CSPP1: variants seen among roughly 807,000 people sequenced by gnomAD.
CSPP1 encodes the protein centrosome and spindle pole associated protein 1.
Under a neutral mutation model 164.4 loss-of-function variants are expected in CSPP1, and 126 were observed. The observed-to-expected ratio is 0.77, with a 90% CI of 0.66 to 0.89. CSPP1 has a LOEUF of 0.89. CSPP1 is among the 40% of genes least tolerant of loss of function. The probability of loss-of-function intolerance (pLI) is 0.00; values close to 1 mark genes in which losing one functional copy is unlikely to be tolerated. For missense variants in CSPP1, 1,395 were observed against 1,449.8 expected, an observed-to-expected ratio of 0.96 and a Z score of 0.61; for synonymous variants, 472 against 476.7, an observed-to-expected ratio of 0.99 and a Z score of 0.13.
At chr8:67,193,417 C>T in intron 29 of CSPP1, 47 bp from the exon 30 acceptor site, 2 of 1,563,516 alleles carry the variant, frequency 1.3e-6, no homozygotes, top group Non-Finnish European at 1.8e-6. Flanking sequence ...GATTTGTGAA[C>T]ATATTTTGTG....
intron 17 of CSPP1, among the ~76,000 whole-genome samples, chr8:67,142,884 A>T (rs919412762): frequency 3.9e-5 from 6 of 152,120 alleles, no homozygotes; most frequent in African/African-American, 7.2e-5. Flanking sequence ...TACCTCATTT[A>T]AAAAAAGCTT....
At chr8:67,147,997 C>A (rs1390060129) in intron 17 of CSPP1, among the ~76,000 whole-genome samples, 1 of 152,056 alleles carries the variant, frequency 6.6e-6, no homozygotes, top group Non-Finnish European at 1.5e-5. Flanking sequence ...TGACTCACTG[C>A]AACCTGCACC....
At chr8:67,141,414 C>G (rs1823463527) in intron 17 of CSPP1, among the ~76,000 whole-genome samples, 1 of 152,146 alleles carries the variant, frequency 6.6e-6, no homozygotes, top group Admixed American at 6.5e-5. Flanking sequence ...ATAGAAAAGG[C>G]ATACTATTTT....
chr8:67,135,940 G>A (rs1397017673), intron 16 of CSPP1: 2 of 152,148 alleles, frequency 1.3e-5, no homozygotes, highest in East Asian at 3.9e-4. Flanking sequence ...CCTAATTTCA[G>A]TATTCTATCA....
At chr8:67,096,495 G>A (rs1812804705) in intron 7 of CSPP1, among the ~76,000 whole-genome samples, 1 of 151,892 alleles carries the variant, frequency 6.6e-6, no homozygotes, top group Admixed American at 6.6e-5. Flanking sequence ...AACCCGGGAG[G>A]CAGAGGTTGC....
At chr8:67,186,528 G>A (rs187704089) in intron 28 of CSPP1, among the ~76,000 whole-genome samples, 6 of 151,886 alleles carry the variant, frequency 4.0e-5, no homozygotes, top group Admixed American at 1.3e-4. Flanking sequence ...TTGGAATAGA[G>A]GGGGAACTTC....
At chr8:67,192,529 A>T (rs987431418) in intron 29 of CSPP1, among the ~76,000 whole-genome samples, 8 of 152,152 alleles carry the variant, frequency 5.3e-5, no homozygotes, top group African/African-American at 1.4e-4. Flanking sequence ...TGAAGCACAG[A>T]AGTTTTTAAT....
At chr8:67,176,199 C>G (rs1831584723) in intron 26 of CSPP1, among the ~76,000 whole-genome samples, 1 of 152,054 alleles carries the variant, frequency 6.6e-6, no homozygotes, top group African/African-American at 2.4e-5. Context: ...TTTCACCAGC[C>G]TTCAGGCCAT....
intron 29 of CSPP1, among the ~76,000 whole-genome samples, chr8:67,192,062 ATTTGT>A (rs1023233877): frequency 1.5e-5 from 2 of 134,896 alleles, no homozygotes; most frequent in African/African-American, 5.6e-5. Flanking sequence ...TCCTTTGCTG[ATTTGT>A]TTTTTTTTTT....
chr8:67,160,700 T>C (rs946663838), intron 21 of CSPP1, among the ~76,000 whole-genome samples: 7 of 151,918 alleles, frequency 4.6e-5, no homozygotes, highest in African/African-American at 9.7e-5. Flanking sequence ...CTGATATATA[T>C]ATATATTTTT....
At chr8:67,152,636 C>T (rs1482095052) in intron 18 of CSPP1, among the ~76,000 whole-genome samples, 3 of 152,292 alleles carry the variant, frequency 2.0e-5, no homozygotes, top group East Asian at 1.9e-4. Context: ...GTGAGCATCA[C>T]GGTGAAACAT....
intron 9 of CSPP1, 116 bp downstream of exon 9, chr8:67,106,091 T>C (rs1815462024): frequency 1.6e-6 from 1 of 629,030 alleles, no homozygotes; most frequent in Non-Finnish European, 2.9e-6. Flanking sequence ...AAAATATTTG[T>C]AAGTGCTTAC....
chr8:67,160,728 T>C (rs1215867511), intron 21 of CSPP1, among the ~76,000 whole-genome samples: 1 of 151,914 alleles, frequency 6.6e-6, no homozygotes, highest in Non-Finnish European at 1.5e-5. Flanking sequence ...CCTTCAGTTT[T>C]ACCTTTGTGT....
Position 67,158,429 on chromosome 8 carries a change from CTA to C in CSPP1, c.2242-17_2242-16del. 6.5e-7 allele frequency: 1 copy of C among 1,546,876 alleles called. No homozygotes were observed. Among genetic ancestry groups the C allele is most frequent in the Non-Finnish European group, 8.8e-7 (1 of 1,142,766 alleles). ...TTCAATAGTTTTACAAGATAAATAA[CTA>C]AGTTTAATTCTTTAGATTGAGGAAA... On this transcript the variant is annotated splice_polypyrimidine_tract_variant and intron_variant, in intron 19 of 30. Transcript: ENST00000678616.
intron 3 of CSPP1, among the ~76,000 whole-genome samples, chr8:67,081,813 T>C (rs1809249597): frequency 6.6e-6 from 1 of 152,130 alleles, no homozygotes; most frequent in African/African-American, 2.4e-5. Context: ...GGCACCATAA[T>C]AGCTTACTGC....
At chr8:67,082,126 C>T (rs1406628475) in intron 3 of CSPP1, among the ~76,000 whole-genome samples, 1 of 152,218 alleles carries the variant, frequency 6.6e-6, no homozygotes, top group African/African-American at 2.4e-5. Flanking sequence ...CGGCTCACTG[C>T]AACCTCTGCC....
Position 67,163,753 on chromosome 8 carries a change from C to T in CSPP1, c.2665C>T (p.Gln889Ter), listed in dbSNP as rs1425686613. 4 of 1,613,556 alleles carry T rather than the reference C, an allele frequency of 2.5e-6. No homozygotes were observed. Among genetic ancestry groups the T allele is most frequent in the Non-Finnish European group, 3.4e-6 (4 of 1,179,674 alleles). Reference protein sequence around the residue: ...FIHESSMSRAQSPPVPARKNQ... With the variant: ...FIHESSMSRA ...ACAGGAAAGTTCCATGTCCAGGGCA[C>T]AGTCACCCCCGGTACCTGCCAGGAA... The change falls in exon 23 of 31, where the codon CAG becomes TAG. Residue 889 changes from glutamine to a stop codon, truncating the protein, a stop_gained. Coordinates refer to ENST00000678616, the MANE Select transcript of CSPP1 (RefSeq NM_001382391.1). LOFTEE classifies it high-confidence loss of function.
intron 9 of CSPP1, among the ~76,000 whole-genome samples, chr8:67,107,880 TTCTA>T (rs1362283595): frequency 6.6e-6 from 1 of 152,186 alleles, no homozygotes; most frequent in East Asian, 1.9e-4. Flanking sequence ...GGGATTTTCC[TTCTA>T]TCTTTTTTGT....
At chr8:67,131,710 T>G (rs1305318982) in intron 15 of CSPP1, among the ~76,000 whole-genome samples, 1 of 152,212 alleles carries the variant, frequency 6.6e-6, no homozygotes, top group Non-Finnish European at 1.5e-5. Flanking sequence ...TTCACTCCTG[T>G]GTAACTATCA....
Sources: gnomAD v4.1 joint callset for allele counts (sites outside exome capture counted in the v4.1 genomes callset) on GRCh38, gnomAD v4.1.1 for gene constraint, MANE v1.5 for transcripts, NCBI Gene and HGNC (gene_info 2026-07-23, HGNC 2026-07-21) for gene names.